CAPN7: variants seen among roughly 807,000 people sequenced by gnomAD.
The protein encoded by CAPN7 is calpain-7.
CAPN7 carries 72 observed loss-of-function variants against 115.2 expected under a neutral mutation model. That is an observed-to-expected ratio of 0.63 (90% CI 0.52 to 0.76). The LOEUF (loss-of-function observed/expected upper bound fraction) is 0.76, where lower values mean the gene tolerates loss of function less well. Ranked by LOEUF, CAPN7 falls within the 30% of genes least tolerant of loss-of-function variation. The probability of loss-of-function intolerance (pLI) is 0.00; values close to 1 mark genes in which losing one functional copy is unlikely to be tolerated. For synonymous variants in CAPN7, 344 were observed against 322.3 expected, an observed-to-expected ratio of 1.07 and a Z score of -0.72; for missense variants, 905 against 971.5, an observed-to-expected ratio of 0.93 and a Z score of 0.91.
chr3:15,210,923 G>T (rs1559383263), intron 1 of CAPN7: 1 of 1,207,448 alleles, frequency 8.3e-7, no homozygotes, highest in African/African-American at 1.6e-5. Context: ...TGCAGAGAAG[G>T]TGCTGTTACT....
intron 6 of CAPN7, among the ~76,000 whole-genome samples, chr3:15,223,830 T>A (rs1021590181): frequency 6.6e-6 from 1 of 152,160 alleles, no homozygotes; most frequent in Admixed American, 6.5e-5. Context: ...TAAATATTTG[T>A]CCAAGCAGTG....
intron 10 of CAPN7, among the ~76,000 whole-genome samples, chr3:15,233,112 AAATTCTT>A (rs1694788744): frequency 6.6e-6 from 1 of 152,222 alleles, no homozygotes; most frequent in Non-Finnish European, 1.5e-5. Context: ...GCATGACTTT[AAATTCTT>A]ACAATAACCA....
chr3:15,223,581 A>AT lies in CAPN7; in HGVS notation c.725+25dup. On this transcript the variant is annotated intron_variant, in intron 6 of 20. Coordinates refer to ENST00000253693, the MANE Select transcript of CAPN7 (RefSeq NM_014296.3). ...TTTCTGGTAAGTAAGCACTGTTGCA[A>AT]TTTTTAACTCCAATATTTTAACTTT... The AT allele has an allele frequency of 1.4e-6, 2 of 1,390,306 alleles. No homozygotes were observed. Among genetic ancestry groups the AT allele is most frequent in the Non-Finnish European group, 2.0e-6 (2 of 997,028 alleles). The allele number at this position is 1,390,306 out of a possible 1,614,324, so 86.1% of individuals were successfully genotyped here.
rs1214756257 is a variant in CAPN7, at chr3:15,248,825, C to T, written c.2204+1368C>T. Among the ~76,000 whole-genome samples the T allele has an allele frequency of 2.0e-5, 3 of 151,712 alleles. No individual in the cohort carries two copies. The East Asian group carries it at 5.8e-4, about 29-fold the overall frequency. ...GCAACATGGCAAAACCTCATCTCTG[C>T]AAAAATTTTTTTAAAAATTTAGCCA... On this transcript the variant is annotated intron_variant, in intron 19 of 20. Transcript: ENST00000253693.
chr3:15,217,393 A>G (rs751982646), intron 2 of CAPN7, 32 bp from the exon 3 acceptor site: 13 of 1,523,546 alleles, frequency 8.5e-6, no homozygotes, highest in South Asian at 1.3e-5. Flanking sequence ...TTTAGATAAT[A>G]CTCCTTCTGC....
chr3:15,234,998 A>C (rs1694904098), intron 11 of CAPN7, 27 bp from the exon 12 acceptor site: 1 of 1,588,396 alleles, frequency 6.3e-7, no homozygotes, highest in African/African-American at 1.4e-5. Flanking sequence ...TTTTACTTTA[A>C]TTAATTGTCT....
chr3:15,238,452 T>A (rs916200220), intron 12 of CAPN7, among the ~76,000 whole-genome samples: 10 of 152,242 alleles, frequency 6.6e-5, no homozygotes, highest in Non-Finnish European at 1.0e-4. Context: ...CATATTTGAT[T>A]CAAGCATTTA....
rs1693944349 is a variant in CAPN7 at position 15,220,943 on chromosome 3, A to G, written c.600A>G (p.Gln200=). 1 of 1,614,160 alleles carries G rather than the reference A, an allele frequency of 6.2e-7. No homozygotes were observed. Among genetic ancestry groups the G allele is most frequent in the South Asian group, 1.1e-5 (1 of 91,088 alleles). Residue 200 remains glutamine, a synonymous_variant, in exon 5 of 21, where the codon CAA becomes CAG. Transcript: ENST00000253693. Reference sequence around the variant, plus strand: ...TAAGTCCTCAGTCATGTGATGCACAAGGACAGAGATACACAGCAGAAGAAA... The same window carrying G: ...TAAGTCCTCAGTCATGTGATGCACAGGGACAGAGATACACAGCAGAAGAAA... The part of the protein sequence containing the change: ...SFISPQSCDA[Q]GQRYTAEEIE...
At chr3:15,216,639 T>C (rs998262658) in intron 2 of CAPN7, among the ~76,000 whole-genome samples, 1 of 152,198 alleles carries the variant, frequency 6.6e-6, no homozygotes, top group African/African-American at 2.4e-5. Context: ...GCAGGAACTT[T>C]ATCATCAGAG....
intron 12 of CAPN7, among the ~76,000 whole-genome samples, chr3:15,238,073 A>G (rs1326140920): frequency 2.9e-5 from 4 of 136,464 alleles, no homozygotes; most frequent in Non-Finnish European, 4.9e-5. Context: ...ATTTTTTGCT[A>G]CTTATATTTT....
At chr3:15,223,905 A>T (rs1334750471) in intron 6 of CAPN7, among the ~76,000 whole-genome samples, 10 of 152,228 alleles carry the variant, frequency 6.6e-5, no homozygotes, top group Non-Finnish European at 2.9e-5. Context: ...GAATGGAATG[A>T]TGTCATTGTT....
intron 2 of CAPN7, among the ~76,000 whole-genome samples, chr3:15,215,717 A>G (rs1379887065): frequency 2.0e-5 from 3 of 152,144 alleles, no homozygotes; most frequent in Non-Finnish European, 4.4e-5. Context: ...GATGTGCTGC[A>G]TTTTGTTTAT....
At chr3:15,239,719 C>T (rs1333568848) in intron 12 of CAPN7, among the ~76,000 whole-genome samples, 1 of 152,128 alleles carries the variant, frequency 6.6e-6, no homozygotes, top group Non-Finnish European at 1.5e-5. Flanking sequence ...CTTCTAGGGA[C>T]ACATCATAAT....
chr3:15,244,726 T>C (rs1695555655), intron 16 of CAPN7, among the ~76,000 whole-genome samples: 1 of 152,220 alleles, frequency 6.6e-6, no homozygotes, highest in Admixed American at 6.5e-5. Context: ...TCAAATAATA[T>C]ATTAGGCAGC....
At position 15,252,609 on chromosome 3, in the gene CAPN7, C is replaced by G. The variant is rs1696050334; in HGVS notation, c.*1349C>G. ...AACCTGTTGTGGTAAAGATCTTGTA[C>G]AGGATGCAAACTAAAAACCTAATCC... On this transcript the variant is annotated 3_prime_UTR_variant, in exon 21 of 21. Coordinates refer to ENST00000253693, the MANE Select transcript of CAPN7 (RefSeq NM_014296.3). 6.6e-6 allele frequency: 1 copy of G among 152,102 alleles called. No homozygotes were observed. The highest frequency in any genetic ancestry group is 1.5e-5 in the Non-Finnish European group (1 of 68,030). The allele number at this position is 152,102 out of a possible 1,614,324, so 9.4% of individuals were successfully genotyped here. A position where few individuals can be genotyped will look rare whatever the true frequency, so the allele number is the denominator to read the frequency against.
chr3:15,220,208 A>T (rs1693889509), intron 4 of CAPN7, among the ~76,000 whole-genome samples: 2 of 152,140 alleles, frequency 1.3e-5, no homozygotes, highest in African/African-American at 2.4e-5. Flanking sequence ...TCAAAAAAAA[A>T]AATAAAAAAT....
intron 1 of CAPN7, chr3:15,210,804 TC>T: frequency 7.8e-7 from 1 of 1,289,510 alleles, no homozygotes. Flanking sequence ...TTTGTTAGGT[TC>T]AGTGAAACAA....
At chr3:15,232,253 T>A (rs967557590) in intron 9 of CAPN7, 3 of 355,028 alleles carry the variant, frequency 8.5e-6, no homozygotes, top group Non-Finnish European at 1.6e-5. Context: ...ATGCTCAGCC[T>A]TTTAATTTCA....
chr3:15,249,006 C>CAAAAAAAAAAAAAAAAAAAAAAAA (rs1460568964), intron 19 of CAPN7, among the ~76,000 whole-genome samples: 4 of 50,750 alleles, frequency 7.9e-5, no homozygotes, highest in African/African-American at 2.9e-4. Flanking sequence ...ATACAACAAC[C>CAAAAAAAAAAAAAAAAAAAAAAAA]AAAAAAAAAA....
Sources: gnomAD v4.1 joint callset for allele counts (sites outside exome capture counted in the v4.1 genomes callset) on GRCh38, gnomAD v4.1.1 for gene constraint, MANE v1.5 for transcripts, NCBI Gene and HGNC (gene_info 2026-07-23, HGNC 2026-07-21) for gene names.